ZMIZ1: variants seen among roughly 807,000 people sequenced by gnomAD.
The protein encoded by ZMIZ1 is zinc finger MIZ domain-containing protein 1.
A neutral mutation model predicts 113.9 loss-of-function variants in ZMIZ1; 17 were observed. That is an observed-to-expected ratio of 0.15 (90% confidence interval 0.10 to 0.22). The LOEUF is 0.22. Ranked by LOEUF, ZMIZ1 falls within the 10% of genes least tolerant of loss-of-function variation. The pLI is 1.00. For synonymous variants in ZMIZ1, 607 were observed against 603.1 expected (o/e 1.01, Z -0.09); for missense variants, 1,059 against 1,477.8 (o/e 0.72, Z 4.65).
intron 4 of ZMIZ1, among the ~76,000 whole-genome samples, chr10:79,178,223 C>G (rs1047180023): frequency 6.6e-6 from 1 of 152,232 alleles, no homozygotes; most frequent in African/African-American, 2.4e-5. Flanking sequence ...TGTCCTGTCT[C>G]CCCATCTGTG....
At chr10:79,194,644 G>T (rs2077583) in intron 4 of ZMIZ1, among the ~76,000 whole-genome samples, 9,659 of 152,170 alleles carry the variant, frequency 0.063, 1,034 homozygotes, top group African/African-American at 0.22. Context: ...TGTCAGAGGG[G>T]CTCCAGCCCA....
At chr10:79,183,736 A>T (rs978310905) in intron 4 of ZMIZ1, among the ~76,000 whole-genome samples, 3 of 152,094 alleles carry the variant, frequency 2.0e-5, no homozygotes, top group Non-Finnish European at 2.9e-5. Flanking sequence ...ACTATGTGGG[A>T]TGGTTGAAAG....
intron 1 of ZMIZ1, among the ~76,000 whole-genome samples, chr10:79,075,576 C>CACACCTGCACACAT (rs1554846540): frequency 6.7e-6 from 1 of 149,262 alleles, no homozygotes; most frequent in Non-Finnish European, 1.5e-5. Context: ...CATGCACACA[C>CACACCTGCACACAT]ATGCACACAT....
intron 7 of ZMIZ1, among the ~76,000 whole-genome samples, chr10:79,223,773 C>T (rs561724037): frequency 6.6e-6 from 1 of 152,318 alleles, no homozygotes; most frequent in South Asian, 2.1e-4. Context: ...TCTGAATTAC[C>T]CTGGGTGAAC....
At chr10:79,131,653 T>G (rs1844777048) in intron 2 of ZMIZ1, among the ~76,000 whole-genome samples, 1 of 152,020 alleles carries the variant, frequency 6.6e-6, no homozygotes, top group South Asian at 2.1e-4. Flanking sequence ...CCCCTCTGCT[T>G]CTCCCCTGTG....
chr10:79,078,931 G>A (rs1249110006), intron 1 of ZMIZ1, among the ~76,000 whole-genome samples: 1 of 152,114 alleles, frequency 6.6e-6, no homozygotes, highest in African/African-American at 2.4e-5. Flanking sequence ...GTCCCTTTCA[G>A]CTCAGGCATT....
intron 2 of ZMIZ1, among the ~76,000 whole-genome samples, chr10:79,120,443 G>A (rs1167893372): frequency 3.3e-5 from 5 of 152,186 alleles, no homozygotes; most frequent in African/African-American, 7.2e-5. Context: ...GCTCTGCATC[G>A]GCAAAAGCTT....
intron 4 of ZMIZ1, 110 bp downstream of exon 4, chr10:79,162,243 C>T (rs142798628): frequency 5.5e-4 from 219 of 397,614 alleles, no homozygotes; most frequent in African/African-American, 4.0e-3. Flanking sequence ...GGCCTCAGCC[C>T]TGAGGGGCAG....
chr10:79,214,484 C>T (rs149983384), intron 6 of ZMIZ1, among the ~76,000 whole-genome samples: 5 of 152,332 alleles, frequency 3.3e-5, no homozygotes, highest in Admixed American at 6.5e-5. Flanking sequence ...TGATTTAGCA[C>T]GGGACATTTC....
At chr10:79,258,900 C>G (rs1370700142) in intron 7 of ZMIZ1, among the ~76,000 whole-genome samples, 3 of 152,180 alleles carry the variant, frequency 2.0e-5, no homozygotes, top group Non-Finnish European at 4.4e-5. Context: ...AACTCACTCC[C>G]CTCCTGATAG....
At chr10:79,144,182 G>A (rs565911663) in intron 3 of ZMIZ1, among the ~76,000 whole-genome samples, 2 of 152,252 alleles carry the variant, frequency 1.3e-5, no homozygotes, top group Admixed American at 1.3e-4. Flanking sequence ...CTAAATCCTT[G>A]TACTGCTTTG....
chr10:79,152,732 C>A (rs998654968), intron 3 of ZMIZ1, among the ~76,000 whole-genome samples: 11 of 152,244 alleles, frequency 7.2e-5, no homozygotes, highest in Non-Finnish European at 1.5e-4. Flanking sequence ...CAAGTGAATT[C>A]ATGCCTCTGA....
chr10:79,253,096 T>G (rs1177988373), intron 7 of ZMIZ1, among the ~76,000 whole-genome samples: 1 of 152,180 alleles, frequency 6.6e-6, no homozygotes, highest in Non-Finnish European at 1.5e-5. Context: ...AGGCAGTGGG[T>G]GTGCGGGGCC....
At chr10:79,176,618 C>T (rs757948259) in intron 4 of ZMIZ1, among the ~76,000 whole-genome samples, 16 of 150,212 alleles carry the variant, frequency 1.1e-4, no homozygotes, top group Non-Finnish European at 1.9e-4. Flanking sequence ...CCGAGAATTT[C>T]CCAGAAGCAC....
At chr10:79,105,649 C>T (rs576473875) in intron 1 of ZMIZ1, among the ~76,000 whole-genome samples, 5 of 152,324 alleles carry the variant, frequency 3.3e-5, no homozygotes, top group African/African-American at 1.2e-4. Flanking sequence ...GAGCCTCCAG[C>T]AGGCAGGCAG....
intron 1 of ZMIZ1, among the ~76,000 whole-genome samples, chr10:79,116,294 G>A (rs1305576264): frequency 6.6e-6 from 1 of 152,054 alleles, no homozygotes; most frequent in African/African-American, 2.4e-5. Flanking sequence ...TCGACCCTGG[G>A]GGAAGAGGAG....
At position 79,299,011 on chromosome 10, in the gene ZMIZ1, T is replaced by C. The variant is rs758310477; in HGVS notation, c.1667-39T>C. The C allele has an allele frequency of 3.2e-6, 5 of 1,578,072 alleles. No individual in the cohort carries two copies. The Admixed American group carries it at 8.6e-5, about 27-fold the overall frequency. ...CTACAGCCCCAGAACCCATGGCAGC[T>C]GAGGCTTGTGGCTCACCCACCTCCT... On this transcript the variant is annotated intron_variant, in intron 15 of 24. Transcript: ENST00000334512.
At chr10:79,225,013 G>A in intron 7 of ZMIZ1, among the ~76,000 whole-genome samples, 1 of 152,156 alleles carries the variant, frequency 6.6e-6, no homozygotes, top group East Asian at 1.9e-4. Flanking sequence ...GGAGGAGGAG[G>A]CATTTCTCCA....
intron 7 of ZMIZ1, among the ~76,000 whole-genome samples, chr10:79,220,747 G>C (rs1848931287): frequency 1.3e-5 from 2 of 152,120 alleles, no homozygotes; most frequent in Admixed American, 1.3e-4. Context: ...TTCTCCCACT[G>C]TACGTCTGTG....
Sources: gnomAD v4.1 joint callset for allele counts (sites outside exome capture counted in the v4.1 genomes callset) on GRCh38, gnomAD v4.1.1 for gene constraint, MANE v1.5 for transcripts, NCBI Gene and HGNC (gene_info 2026-07-23, HGNC 2026-07-21) for gene names.